UGT1A9: variants seen among roughly 807,000 people sequenced by gnomAD.
UGT1A9 encodes the protein UDP glucuronosyltransferase family 1 member A9, also known as UDP-glucuronosyltransferase 1A9.
A neutral mutation model predicts 45.0 loss-of-function variants in UGT1A9; 35 were observed. The observed-to-expected ratio is 0.78, with a 90% confidence interval of 0.59 to 1.03. The LOEUF (loss-of-function observed/expected upper bound fraction) is 1.03, where lower values mean the gene tolerates loss of function less well. Among genes scored for constraint, UGT1A9 ranks in the 50% least tolerant of loss-of-function variants. The pLI, the probability that UGT1A9 is intolerant of heterozygous loss-of-function variation, is 0.00. For synonymous variants in UGT1A9, 278 were observed against 250.6 expected (o/e 1.11, Z -1.03); for missense variants, 687 against 666.6 (o/e 1.03, Z -0.34).
At chr2:233,765,965 G>A (rs926314619) in intron 1 of UGT1A9, among the ~76,000 whole-genome samples, 1 of 152,142 alleles carries the variant, frequency 6.6e-6, no homozygotes, top group Admixed American at 6.5e-5. Flanking sequence ...AGTGTCTAGA[G>A]GTGGATGTTT....
chr2:233,757,842 T>G (rs904843638), intron 1 of UGT1A9, among the ~76,000 whole-genome samples: 1 of 151,920 alleles, frequency 6.6e-6, no homozygotes, highest in Non-Finnish European at 1.5e-5. Context: ...GCCTACTAAC[T>G]TATGTCTTCA....
At chr2:233,758,861 A>G (rs911579331) in intron 1 of UGT1A9, among the ~76,000 whole-genome samples, 2 of 152,228 alleles carry the variant, frequency 1.3e-5, no homozygotes, top group African/African-American at 4.8e-5. Context: ...TGGCTGCACA[A>G]TACTTGCCCC....
At chr2:233,690,403 A>G in intron 1 of UGT1A9, 1 of 1,165,082 alleles carries the variant, frequency 8.6e-7, no homozygotes, top group Non-Finnish European at 1.1e-6. Context: ...TCCTATTCCC[A>G]ACATGAAATT....
intron 1 of UGT1A9, among the ~76,000 whole-genome samples, chr2:233,709,998 CAATTA>C (rs2076103213): frequency 3.3e-5 from 5 of 152,170 alleles, no homozygotes; most frequent in African/African-American, 9.7e-5. Context: ...TGGAATCATA[CAATTA>C]TGAATGAAAA....
At chr2:233,730,201 G>A (rs1312808089) in intron 1 of UGT1A9, among the ~76,000 whole-genome samples, 2 of 152,190 alleles carry the variant, frequency 1.3e-5, no homozygotes, top group Non-Finnish European at 2.9e-5. Context: ...AGAGGAAGAG[G>A]AAGTAGACAC....
At chr2:233,743,335 G>C (rs534297671) in intron 1 of UGT1A9, 1 of 800,282 alleles carries the variant, frequency 1.2e-6, no homozygotes, top group East Asian at 6.3e-5. Flanking sequence ...AACTATTTCA[G>C]TGGAAGTCGA....
rs866500462 is a variant in UGT1A9 at position 233,723,536 on chromosome 2, T to A, written c.856-43498T>A. On this transcript the variant is annotated intron_variant, in intron 1 of 4. Transcript: ENST00000354728. ...ACAATCTTTTTTTTTTTTTTTTTTTTAATTTATTTTTTTATTGATAATTCT... is the reference window on the plus strand; with the variant it reads ...ACAATCTTTTTTTTTTTTTTTTTTTAAATTTATTTTTTTATTGATAATTCT... Among the ~76,000 whole-genome samples the A allele has an allele frequency of 8.1e-4, 98 of 121,464 alleles. 4 individuals are homozygous for A. The highest frequency in any genetic ancestry group is 1.3e-3 in the African/African-American group (39 of 29,948). 79.7% of individuals were successfully genotyped at this position (121,464 alleles called of 152,430 possible). A position where few individuals can be genotyped will look rare whatever the true frequency, so the allele number is the denominator to read the frequency against.
chr2:233,682,265 A>G, intron 1 of UGT1A9: 1 of 1,614,180 alleles, frequency 6.2e-7, no homozygotes. Flanking sequence ...TTCTCTATTA[A>G]CAAGTTCATC....
chr2:233,755,285 A>G (rs1468695441), intron 1 of UGT1A9: 11 of 681,694 alleles, frequency 1.6e-5, no homozygotes, highest in Non-Finnish European at 2.3e-6. Context: ...ACTGCCAAAG[A>G]GCCTGCGGGG....
chr2:233,757,535 A>AATATATATACATATACATATATAT lies in UGT1A9; in HGVS notation c.856-9490_856-9489insCATATACATATATATATATATATA, dbSNP rs376887521. Among the ~76,000 whole-genome samples, 332 of 87,516 alleles carry AATATATATACATATACATATATAT rather than the reference A, an allele frequency of 3.8e-3. 5 individuals are homozygous for AATATATATACATATACATATATAT. Among genetic ancestry groups the AATATATATACATATACATATATAT allele is most frequent in the Middle Eastern group, 0.012 (2 of 168 alleles). The allele number at this position is 87,516 out of a possible 152,430, so 57.4% of individuals were successfully genotyped here. A position where few individuals can be genotyped will look rare whatever the true frequency, so the allele number is the denominator to read the frequency against. Reference sequence around the variant, plus strand: ...CAAAGCCAAAATCTTGCCTGTAAGGAATATATATATATATATATATATATA... The same window carrying AATATATATACATATACATATATAT: ...CAAAGCCAAAATCTTGCCTGTAAGGAATATATATACATATACATATATATATATATATATATATATATATATATA... On this transcript the variant is annotated intron_variant, in intron 1 of 4. Transcript: ENST00000354728.
intron 1 of UGT1A9, among the ~76,000 whole-genome samples, chr2:233,696,604 C>T (rs926125593): frequency 2.2e-5 from 3 of 133,902 alleles, no homozygotes; most frequent in African/African-American, 8.6e-5. Context: ...AACTTGGATG[C>T]CCTTTCTTTC....
At chr2:233,717,438 C>T (rs998007797) in intron 1 of UGT1A9, among the ~76,000 whole-genome samples, 4 of 152,192 alleles carry the variant, frequency 2.6e-5, no homozygotes, top group African/African-American at 7.2e-5. Context: ...CTCTGATGGA[C>T]GCATCCATTC....
At chr2:233,718,225 A>G (rs1206675638) in intron 1 of UGT1A9, among the ~76,000 whole-genome samples, 1 of 152,212 alleles carries the variant, frequency 6.6e-6, no homozygotes, top group Admixed American at 6.5e-5. Context: ...GCCACTTCAG[A>G]GAGAGTCCTC....
intron 1 of UGT1A9, among the ~76,000 whole-genome samples, chr2:233,757,535 A>AATATATATACATATATATATAT (rs376887521): frequency 4.4e-4 from 39 of 88,152 alleles, no homozygotes; most frequent in African/African-American, 6.0e-4. Flanking sequence ...GCCTGTAAGG[A>AATATATATACATATATATATAT]ATATATATAT....
In UGT1A9 at chr2:233,769,594, G is replaced by A; in HGVS notation, c.1295+1155G>A. 2 of 1,612,864 alleles carry A rather than the reference G, an allele frequency of 1.2e-6. No homozygotes were observed. The highest frequency in any genetic ancestry group is 1.7e-6 in the Non-Finnish European group (2 of 1,179,872). On this transcript the variant is annotated intron_variant, in intron 4 of 4. Coordinates refer to ENST00000354728, the MANE Select transcript of UGT1A9 (RefSeq NM_021027.3). This position sits in a 1 kb window ranked among gnomAD's most constrained non-coding sequence, Gnocchi z 4.4. ...GAGCATGTTCAGATGAGAGGAGACG[G>A]AACACGGGGACACACCAGCTTGAGC... is the stretch of plus-strand genomic sequence containing the variant.
chr2:233,717,511 GA>G (rs781193687), intron 1 of UGT1A9, among the ~76,000 whole-genome samples: 30 of 152,328 alleles, frequency 2.0e-4, no homozygotes, highest in Non-Finnish European at 3.5e-4. Context: ...TTTCTAATGG[GA>G]GTAACTTCCT....
chr2:233,677,038 C>T (rs1002233788), intron 1 of UGT1A9, among the ~76,000 whole-genome samples: 2 of 151,718 alleles, frequency 1.3e-5, no homozygotes, highest in Non-Finnish European at 2.9e-5. Flanking sequence ...AGGTCTTTTG[C>T]ATTACCATAT....
At chr2:233,719,137 T>G (rs1197566998) in intron 1 of UGT1A9, 1 of 1,614,254 alleles carries the variant, frequency 6.2e-7, no homozygotes, top group Non-Finnish European at 8.5e-7. Context: ...ACAGAACATC[T>G]TCTGAAGAGA....
rs567256454 is a variant in UGT1A9 at position 233,740,487 on chromosome 2, A to G, written c.856-26547A>G. Among the ~76,000 whole-genome samples the G allele has an allele frequency of 3.4e-4, 52 of 152,072 alleles. 1 individual carries two copies. In the South Asian group the frequency reaches 4.6e-3, roughly 13 times the overall value. The stretch of plus-strand genomic sequence containing the variant: ...GACAGAAAGGATCATTCCCTCTTCC[A>G]GATGCTTTCCAGTGTGTGATGTAAG... On this transcript the variant is annotated intron_variant, in intron 1 of 4. Transcript: ENST00000354728.
Sources: gnomAD v4.1 joint callset for allele counts (sites outside exome capture counted in the v4.1 genomes callset) on GRCh38, gnomAD v4.1.1 for gene constraint, Gnocchi (gnomAD v3.1) non-coding constraint, MANE v1.5 for transcripts, NCBI Gene and HGNC (gene_info 2026-07-23, HGNC 2026-07-21) for gene names.